Variants in MARK1 observed in about 807,000 individuals in gnomAD.
MARK1 encodes the protein microtubule affinity regulating kinase 1.
Under a neutral mutation model 96.3 loss-of-function variants are expected in MARK1, and 40 were observed. That is an observed-to-expected ratio of 0.42 (90% confidence interval 0.32 to 0.54). The LOEUF (loss-of-function observed/expected upper bound fraction) is 0.54. Ranked by LOEUF, MARK1 falls within the 20% of genes least tolerant of loss-of-function variation. MARK1 has a pLI of 0.16. For missense variants in MARK1, 719 were observed against 984.6 expected (o/e 0.73, Z 3.61); for synonymous variants, 317 against 341.2 (o/e 0.93, Z 0.78).
intron 1 of MARK1, among the ~76,000 whole-genome samples, chr1:220,577,503 A>C (rs1663945006): frequency 6.6e-6 from 1 of 152,214 alleles, no homozygotes; most frequent in African/African-American, 2.4e-5. Flanking sequence ...TGCAGTTCTC[A>C]AATGTTGGCA....
chr1:220,657,556 CA>C (rs1669240350), intron 16 of MARK1, among the ~76,000 whole-genome samples: 1 of 152,070 alleles, frequency 6.6e-6, no homozygotes, highest in Non-Finnish European at 1.5e-5. Context: ...AAAAAAATTT[CA>C]AACTTTCACC....
intron 9 of MARK1, among the ~76,000 whole-genome samples, chr1:220,621,053 C>G (rs1001283793): frequency 2.0e-5 from 3 of 151,944 alleles, no homozygotes; most frequent in African/African-American, 7.2e-5. Context: ...AAGCTATTTT[C>G]AAAATACTCA....
chr1:220,650,772 T>G, intron 14 of MARK1, 52 bp downstream of exon 14: 1 of 1,351,290 alleles, frequency 7.4e-7, no homozygotes, highest in Non-Finnish European at 1.1e-6. Context: ...TCTGTGTTAG[T>G]GCCCTTGCTG....
intron 6 of MARK1, among the ~76,000 whole-genome samples, chr1:220,614,566 A>G (rs1202186718): frequency 3.3e-5 from 5 of 151,996 alleles, no homozygotes; most frequent in Non-Finnish European, 7.4e-5. Flanking sequence ...AATAATATAT[A>G]CCTCTATATA....
At chr1:220,538,958 G>C (rs1454362862) in intron 1 of MARK1, among the ~76,000 whole-genome samples, 2 of 151,316 alleles carry the variant, frequency 1.3e-5, no homozygotes, top group African/African-American at 4.9e-5. Context: ...TCAGCTTAAG[G>C]AGATTTTGGG....
intron 11 of MARK1, among the ~76,000 whole-genome samples, chr1:220,633,525 C>T (rs1011436954): frequency 6.6e-6 from 1 of 152,196 alleles, no homozygotes; most frequent in Non-Finnish European, 1.5e-5. Context: ...GAGAAAGTCT[C>T]TGCTCTCAAG....
chr1:220,636,117 T>C (rs2103017329), intron 13 of MARK1, 91 bp downstream of exon 13: 2 of 896,276 alleles, frequency 2.2e-6, no homozygotes, highest in East Asian at 5.9e-5. Context: ...TTTTAAATGA[T>C]TGAAAAATTT....
chr1:220,655,571 C>G (rs894727879), intron 16 of MARK1, among the ~76,000 whole-genome samples: 2 of 152,198 alleles, frequency 1.3e-5, no homozygotes, highest in Non-Finnish European at 2.9e-5. Flanking sequence ...CATACCACCT[C>G]AGATCCATTG....
chr1:220,602,334 A>G (rs1393949350), intron 5 of MARK1, among the ~76,000 whole-genome samples: 2 of 152,166 alleles, frequency 1.3e-5, no homozygotes, highest in Admixed American at 6.5e-5. Context: ...TGTTCTTTCA[A>G]ACAACATTTA....
intron 13 of MARK1, among the ~76,000 whole-genome samples, chr1:220,637,372 G>A (rs1324732167): frequency 1.1e-4 from 16 of 152,138 alleles, no homozygotes. Flanking sequence ...ATAGGAGTAA[G>A]TTTAAGAAAT....
intron 10 of MARK1, 60 bp from the exon 11 acceptor site, chr1:220,632,141 G>A: frequency 1.3e-6 from 1 of 772,380 alleles, no homozygotes; most frequent in Non-Finnish European, 2.0e-6. Flanking sequence ...GCCCATTTTT[G>A]TTGATTTGTT....
chr1:220,581,199 T>C (rs915387732), intron 3 of MARK1, 81 bp downstream of exon 3: 2 of 458,108 alleles, frequency 4.4e-6, no homozygotes, highest in Non-Finnish European at 7.5e-6. Context: ...TCATTCTAAA[T>C]TTTCTATTAG....
chr1:220,656,036 A>T (rs1173002946), intron 16 of MARK1, among the ~76,000 whole-genome samples: 1 of 152,192 alleles, frequency 6.6e-6, no homozygotes, highest in East Asian at 1.9e-4. Flanking sequence ...ACCAAACCTT[A>T]TGATTTTCTA....
At chr1:220,534,818 T>C (rs533426260) in intron 1 of MARK1, among the ~76,000 whole-genome samples, 1 of 152,290 alleles carries the variant, frequency 6.6e-6, no homozygotes, top group African/African-American at 2.4e-5. Flanking sequence ...AGCACAATGC[T>C]CTTAAGGTTC....
chr1:220,627,296 A>G (rs1667402235), intron 9 of MARK1: 3 of 503,414 alleles, frequency 6.0e-6, no homozygotes, highest in Non-Finnish European at 1.2e-5. Context: ...GGTGGCCACA[A>G]GAACTCTTCC....
At chr1:220,600,395 GAGAT>G (rs1665659794) in intron 5 of MARK1, among the ~76,000 whole-genome samples, 1 of 152,122 alleles carries the variant, frequency 6.6e-6, no homozygotes, top group African/African-American at 2.4e-5. Flanking sequence ...AGTTGACAGG[GAGAT>G]AGCAAGATGC....
intron 9 of MARK1, chr1:220,627,381 A>G (rs188328427): frequency 2.1e-6 from 1 of 483,274 alleles, no homozygotes; most frequent in African/African-American, 2.0e-5. Context: ...AAAGTCACAG[A>G]AGAGGAGAAA....
At chr1:220,642,237 A>G (rs1468394822) in intron 13 of MARK1, among the ~76,000 whole-genome samples, 3 of 152,146 alleles carry the variant, frequency 2.0e-5, no homozygotes, top group Non-Finnish European at 4.4e-5. Flanking sequence ...TAAGATGACC[A>G]AGTTCCCAGC....
chr1:220,543,124 A>G (rs987419407), intron 1 of MARK1, among the ~76,000 whole-genome samples: 17 of 152,248 alleles, frequency 1.1e-4, no homozygotes, highest in South Asian at 4.1e-4. Context: ...GAACTTTTGC[A>G]TAATTGATGA....
Sources: gnomAD v4.1 joint callset for allele counts (sites outside exome capture counted in the v4.1 genomes callset) on GRCh38, gnomAD v4.1.1 for gene constraint, MANE v1.5 for transcripts, NCBI Gene and HGNC (gene_info 2026-07-23, HGNC 2026-07-21) for gene names.